SEPTIN11: variants seen among roughly 807,000 people sequenced by gnomAD.
The protein encoded by SEPTIN11 is septin-11.
A neutral mutation model predicts 51.4 loss-of-function variants in SEPTIN11; 25 were observed. The ratio of observed to expected loss-of-function variants is 0.49; its 90% CI spans 0.35 to 0.68. The LOEUF (loss-of-function observed/expected upper bound fraction) is 0.68, where lower values mean the gene tolerates loss of function less well. SEPTIN11 is among the 30% of genes least tolerant of loss of function. The probability of loss-of-function intolerance (pLI) is 0.00; values close to 1 mark genes in which losing one functional copy is unlikely to be tolerated. For synonymous variants in SEPTIN11, 174 were observed against 184.1 expected, an observed-to-expected ratio of 0.95 and a Z score of 0.44; for missense variants, 381 against 520.8, an observed-to-expected ratio of 0.73 and a Z score of 2.61.
chr4:76,962,839 ACACT>A (rs1320389063), intron 1 of SEPTIN11, among the ~76,000 whole-genome samples: 2 of 152,192 alleles, frequency 1.3e-5, no homozygotes, highest in Non-Finnish European at 2.9e-5. Flanking sequence ...ACACAAACAC[ACACT>A]CACATACCCC....
intron 5 of SEPTIN11, among the ~76,000 whole-genome samples, chr4:77,015,936 A>C (rs1725191909): frequency 6.6e-6 from 1 of 152,216 alleles, no homozygotes; most frequent in African/African-American, 2.4e-5. Context: ...TAGTAGAGCC[A>C]CTGAGATGGA....
intron 2 of SEPTIN11, among the ~76,000 whole-genome samples, chr4:77,000,880 C>T (rs1724073825): frequency 6.6e-6 from 1 of 152,172 alleles, no homozygotes; most frequent in African/African-American, 2.4e-5. Flanking sequence ...CTTTCTGACT[C>T]TCTGATTCCA....
At chr4:77,015,296 A>T (rs559054395) in intron 5 of SEPTIN11, among the ~76,000 whole-genome samples, 1 of 152,314 alleles carries the variant, frequency 6.6e-6, no homozygotes, top group South Asian at 2.1e-4. Flanking sequence ...GCCCAGTACC[A>T]TTTCATAAAA....
chr4:76,968,537 G>C (rs897496788), intron 1 of SEPTIN11, among the ~76,000 whole-genome samples: 1 of 152,118 alleles, frequency 6.6e-6, no homozygotes, highest in Non-Finnish European at 1.5e-5. Context: ...AGACTATTTA[G>C]AAAACATCTT....
chr4:76,958,784 T>C, intron 1 of SEPTIN11: 1 of 900,814 alleles, frequency 1.1e-6, no homozygotes, highest in Non-Finnish European at 1.7e-6. Flanking sequence ...CTTCATACTT[T>C]ATGTTTTTTG....
chr4:77,020,394 C>T (rs142793267), intron 6 of SEPTIN11, 108 bp from the exon 7 acceptor site: 4 of 1,346,032 alleles, frequency 3.0e-6, no homozygotes, highest in African/African-American at 1.4e-5. Context: ...GTCTTGAGAC[C>T]CCAGAGATTT....
At chr4:76,968,172 T>C (rs1722104487) in intron 1 of SEPTIN11, among the ~76,000 whole-genome samples, 1 of 152,200 alleles carries the variant, frequency 6.6e-6, no homozygotes, top group Non-Finnish European at 1.5e-5. Context: ...AATTCGGCAG[T>C]GGGACGATAT....
chr4:77,027,651 G>C (rs1726273452), intron 7 of SEPTIN11, among the ~76,000 whole-genome samples: 2 of 152,328 alleles, frequency 1.3e-5, no homozygotes, highest in African/African-American at 4.8e-5. Context: ...GGGAAAGGCA[G>C]ATATACTGCA....
intron 1 of SEPTIN11, among the ~76,000 whole-genome samples, chr4:76,967,074 G>A (rs1018142117): frequency 6.6e-6 from 1 of 152,084 alleles, no homozygotes. Context: ...GCTCACACCT[G>A]TAATCCCAGC....
At chr4:76,991,463 C>T (rs545347072) in intron 1 of SEPTIN11, among the ~76,000 whole-genome samples, 1 of 152,334 alleles carries the variant, frequency 6.6e-6, no homozygotes, top group South Asian at 2.1e-4. Context: ...GGCACACATT[C>T]TTACATAATT....
intron 1 of SEPTIN11, chr4:76,973,042 A>C (rs1722315663): frequency 1.3e-5 from 2 of 152,336 alleles, no homozygotes; most frequent in South Asian, 4.1e-4. Context: ...ATTTTTAAAA[A>C]TAAAAAGTAG....
intron 7 of SEPTIN11, chr4:77,020,878 A>C (rs1725670962): frequency 3.7e-6 from 2 of 542,228 alleles, no homozygotes. Context: ...TATTATCCAC[A>C]TTTTACAGAT....
At chr4:76,996,043 G>A in intron 1 of SEPTIN11, 1 of 1,037,636 alleles carries the variant, frequency 9.6e-7, no homozygotes, top group Non-Finnish European at 1.4e-6. Flanking sequence ...TTTTCACTAT[G>A]AGTTGACAGT....
At position 77,032,689 on chromosome 4, in the gene SEPTIN11, T is replaced by C. The variant is rs116837965; in HGVS notation, c.1274+1719T>C. Among the ~76,000 whole-genome samples, 1,045 of 152,326 alleles carry C rather than the reference T, an allele frequency of 6.9e-3. 16 individuals are homozygous for C. Among genetic ancestry groups the C allele is most frequent in the African/African-American group, 0.025 (1,020 of 41,580 alleles). ...TTTCTTTTCACCCTGAGGCACTCAG[T>C]GCATAAAGGTTCAAGTTTTAAAACT... On this transcript the variant is annotated intron_variant, in intron 9 of 9. Transcript: ENST00000264893.
rs986647158 is a variant in SEPTIN11, at chr4:77,006,119, G to A, written c.338+323G>A. 3.9e-5 allele frequency among the ~76,000 whole-genome samples: 6 copies of A among 152,006 alleles called. No individual in the cohort carries two copies. In the South Asian group the frequency reaches 8.3e-4, roughly 21 times the overall value. On this transcript the variant is annotated intron_variant, in intron 3 of 9. Transcript: ENST00000264893. ...TTCCTACCAGGAAAAGCAATCTAGA[G>A]AAACACCCAGCCACCCTACAGAACA...
chr4:76,988,719 C>T (rs1041872694), intron 1 of SEPTIN11, among the ~76,000 whole-genome samples: 1 of 152,170 alleles, frequency 6.6e-6, no homozygotes, highest in South Asian at 2.1e-4. Context: ...TCAAAAATCT[C>T]GTGGATGACT....
intron 1 of SEPTIN11, among the ~76,000 whole-genome samples, chr4:76,956,534 C>T (rs1721564210): frequency 6.6e-6 from 1 of 152,212 alleles, no homozygotes; most frequent in South Asian, 2.1e-4. Flanking sequence ...CCTCGGAGGT[C>T]TGCTGCATAC....
intron 1 of SEPTIN11, chr4:76,995,778 T>C (rs1049331715): frequency 2.0e-5 from 30 of 1,513,314 alleles, no homozygotes; most frequent in Non-Finnish European, 2.6e-5. Flanking sequence ...TACCTTACCC[T>C]AGTCTACATC....
In SEPTIN11 at chr4:77,035,462, C is replaced by G; in HGVS notation, c.*950C>G. 1.0e-6 allele frequency: 1 copy of G among 985,370 alleles called. No individual in the cohort carries two copies. Among genetic ancestry groups the G allele is most frequent in the Non-Finnish European group, 1.2e-6 (1 of 829,896 alleles). 61.0% of individuals were successfully genotyped at this position (985,370 alleles called of 1,614,324 possible). A position where few individuals can be genotyped will look rare whatever the true frequency, so the allele number is the denominator to read the frequency against. Reference sequence around the variant, plus strand: ...TTCATGAATCATGAGAAAATTTCCACAGATACTTCCCTTAGAAAATTTGCT... The same window carrying G: ...TTCATGAATCATGAGAAAATTTCCAGAGATACTTCCCTTAGAAAATTTGCT... On this transcript the variant is annotated 3_prime_UTR_variant, in exon 10 of 10. Transcript: ENST00000264893.
Sources: gnomAD v4.1 joint callset for allele counts (sites outside exome capture counted in the v4.1 genomes callset) on GRCh38, gnomAD v4.1.1 for gene constraint, MANE v1.5 for transcripts, NCBI Gene and HGNC (gene_info 2026-07-23, HGNC 2026-07-21) for gene names.